The following CHRNA9 variants were observed in gnomAD, a reference collection of about 807,000 sequenced individuals.
CHRNA9 encodes neuronal acetylcholine receptor subunit alpha-9.
Under a neutral mutation model 36.8 loss-of-function variants are expected in CHRNA9, and 24 were observed. The observed-to-expected ratio is 0.65, with a 90% CI of 0.47 to 0.92. CHRNA9 has a LOEUF of 0.92. CHRNA9 is among the 40% of genes least tolerant of loss of function. The pLI is 0.00. For missense variants in CHRNA9, 610 were observed against 601.2 expected (o/e 1.01, Z -0.15); for synonymous variants, 231 against 231.8 (o/e 1.00, Z 0.03).
At chr4:40,339,136 G>T (rs149064175) in intron 3 of CHRNA9, among the ~76,000 whole-genome samples, 4,266 of 151,890 alleles carry the variant, frequency 0.028, 92 homozygotes, top group Middle Eastern at 0.041. Flanking sequence ...AAAATCAGCT[G>T]GGTGTGGTGG....
chr4:40,348,420 A>G (rs1480278013), intron 3 of CHRNA9, among the ~76,000 whole-genome samples: 1 of 152,190 alleles, frequency 6.6e-6, no homozygotes, highest in Non-Finnish European at 1.5e-5. Flanking sequence ...GAGTTTTCCA[A>G]ATGTTACAAA....
rs1712908509 is a variant in CHRNA9, at chr4:40,354,615, TAGGG to T, written c.*96_*99del. On this transcript the variant is annotated 3_prime_UTR_variant, in exon 5 of 5. Transcript: ENST00000310169. ...CCAAGATTTTTGTTCATCTATAATT[TAGGG>T]GTTATGTTGTCTGTGCTTTTTATTT... is the stretch of plus-strand genomic sequence containing the variant. 5 of 1,046,476 alleles carry T rather than the reference TAGGG, an allele frequency of 4.8e-6. No individual in the cohort carries two copies. Among genetic ancestry groups the T allele is most frequent in the South Asian group, 1.6e-5 (1 of 64,038 alleles). 64.8% of individuals were successfully genotyped at this position (1,046,476 alleles called of 1,614,324 possible). A position where few individuals can be genotyped will look rare whatever the true frequency, so the allele number is the denominator to read the frequency against.
Position 40,354,303 on chromosome 4 carries a change from G to T in CHRNA9, c.1223G>T (p.Gly408Val). Residue 408 changes from glycine (G) to valine (V), a missense_variant, in exon 5 of 5, where the codon GGT becomes GTT. By Grantham distance (109) the Gly-to-Val change is moderately radical (BLOSUM62 -3). Transcript: ENST00000310169. The part of the protein sequence containing the change: ...KRLKNDLGCQ[G>V]KNPQEAESYC... ...TTAAAGAACGACCTGGGCTGCCAGG[G>T]TAAGAACCCTCAGGAGGCCGAGAGT... is the stretch of plus-strand genomic sequence containing the variant. 1 of 1,614,168 alleles carries T rather than the reference G, an allele frequency of 6.2e-7. No individual in the cohort carries two copies. Among genetic ancestry groups the T allele is most frequent in the Non-Finnish European group, 8.5e-7 (1 of 1,180,012 alleles).
At chr4:40,338,247 T>C (rs1712383250) in intron 3 of CHRNA9, 1 of 151,994 alleles carries the variant, frequency 6.6e-6, no homozygotes. Context: ...AACGGGTAGG[T>C]AAAGTTTATG....
chr4:40,349,977 A>G (rs1315110805), intron 4 of CHRNA9: 2 of 155,042 alleles, frequency 1.3e-5, no homozygotes, highest in Admixed American at 1.3e-4. Flanking sequence ...ATCATCTGGA[A>G]AATTTGTGTG....
chr4:40,354,032 A>G lies in CHRNA9; in HGVS notation c.952A>G (p.Ile318Val), dbSNP rs768773179. ...GATCACAGCCTCCACTGCGTTGACCATCATGGTGATGAATATCCACTTCTG... is the reference window on the plus strand; with the variant it reads ...GATCACAGCCTCCACTGCGTTGACCGTCATGGTGATGAATATCCACTTCTG... ...ALITASTALT[I>V]MVMNIHFCGA... Residue 318 changes from isoleucine to valine, a missense_variant, in exon 5 of 5, where the codon ATC becomes GTC. By Grantham distance (29) the Ile-to-Val change is conservative. Transcript: ENST00000310169. The G allele has an allele frequency of 6.2e-7, 1 of 1,614,180 alleles. No homozygotes were observed. Among genetic ancestry groups the G allele is most frequent in the South Asian group, 1.1e-5 (1 of 91,074 alleles).
At chr4:40,353,917 C>A in intron 4 of CHRNA9, 62 bp from the exon 5 acceptor site, 1 of 1,400,818 alleles carries the variant, frequency 7.1e-7, no homozygotes, top group Non-Finnish European at 9.8e-7. Context: ...TGTTAAGTGA[C>A]TCGTGGCTGT....
intron 2 of CHRNA9, 60 bp from the exon 3 acceptor site, chr4:40,337,150 A>G (rs767746672): frequency 6.0e-6 from 9 of 1,502,194 alleles, no homozygotes; most frequent in Admixed American, 5.1e-5. Flanking sequence ...CAAGTGTCCT[A>G]TCAGTGGAAA....
rs1409931454 is a variant in CHRNA9 at position 40,354,027 on chromosome 4, T to C, written c.947T>C (p.Leu316Ser). The C allele has an allele frequency of 6.2e-7, 1 of 1,614,046 alleles. No homozygotes were observed. Among genetic ancestry groups the C allele is most frequent in the Non-Finnish European group, 8.5e-7 (1 of 1,179,914 alleles). Residue 316 changes from leucine (L) to serine (S), a missense_variant, in exon 5 of 5, where the codon TTG (leucine) becomes TCG (serine). Transcript: ENST00000310169. ...TMALITASTA[L>S]TIMVMNIHFC... ...GCCCTGATCACAGCCTCCACTGCGT[T>C]GACCATCATGGTGATGAATATCCAC...
At chr4:40,346,055 A>C (rs139106327) in intron 3 of CHRNA9, among the ~76,000 whole-genome samples, 7 of 151,016 alleles carry the variant, frequency 4.6e-5, no homozygotes, top group African/African-American at 1.7e-4. Context: ...CAACAACAAA[A>C]ACCCACAACC....
rs1455136391 is a variant in CHRNA9 at position 40,335,507 on chromosome 4, T to C, written c.40T>C (p.Tyr14His). The change falls in exon 1 of 5, where the codon TAC (tyrosine) becomes CAC (histidine). Residue 14 changes from tyrosine (Y) to histidine (H), a missense_variant. Tyr to His is a moderately conservative substitution (Grantham distance 83, BLOSUM62 2). Transcript: ENST00000310169. ...SHSCISFCWI[Y>H]FAASRLRAAE... is the part of the protein sequence containing the mutation. The stretch of plus-strand genomic sequence containing the variant: ...TTCCTGCATCTCCTTTTGCTGGATC[T>C]ACTTTGCTGCTTCCAGACTGAGAGG... 2 of 1,613,422 alleles carry C rather than the reference T, an allele frequency of 1.2e-6. No homozygotes were observed. Among genetic ancestry groups the C allele is most frequent in the Non-Finnish European group, 1.7e-6 (2 of 1,179,284 alleles).
intron 1 of CHRNA9, 114 bp from the exon 2 acceptor site, chr4:40,335,713 C>T: frequency 8.6e-7 from 1 of 1,156,092 alleles, no homozygotes; most frequent in Non-Finnish European, 1.3e-6. Flanking sequence ...CCACCCAAAG[C>T]TTGTCCCTCG....
intron 2 of CHRNA9, 150 bp from the exon 3 acceptor site, chr4:40,337,060 G>C: frequency 4.3e-6 from 3 of 692,730 alleles, no homozygotes; most frequent in Non-Finnish European, 2.4e-6. Context: ...CAATCAAGGG[G>C]ATAGAATAAA....
rs114229555 is a variant in CHRNA9, at chr4:40,337,827, G to A, written c.365+463G>A. The stretch of plus-strand genomic sequence containing the variant: ...TTGGTGTTCTTGGCATTATAGAAGC[G>A]TCACTCTGAGCTCTGCCTTCATCTT... On this transcript the variant is annotated intron_variant, in intron 3 of 4. Transcript: ENST00000310169. Among the ~76,000 whole-genome samples, 497 of 152,224 alleles carry A rather than the reference G, an allele frequency of 3.3e-3. 2 individuals carry two copies. The highest frequency in any genetic ancestry group is 0.011 in the African/African-American group (466 of 41,544).
chr4:40,341,528 C>A (rs1187094263), intron 3 of CHRNA9, among the ~76,000 whole-genome samples: 1 of 152,120 alleles, frequency 6.6e-6, no homozygotes, highest in Non-Finnish European at 1.5e-5. Flanking sequence ...TCTTCATTTG[C>A]ATAGGGTATA....
chr4:40,335,727 G>C, intron 1 of CHRNA9, 100 bp from the exon 2 acceptor site: 1 of 1,243,660 alleles, frequency 8.0e-7, no homozygotes, highest in South Asian at 1.3e-5. Flanking sequence ...TCCCTCGCCA[G>C]TGTTGGGCCA....
Position 40,354,695 on chromosome 4 carries a change from G to A in CHRNA9, c.*175G>A. The A allele has an allele frequency of 3.2e-6, 2 of 623,656 alleles. No homozygotes were observed. The highest frequency in any genetic ancestry group is 5.4e-6 in the Non-Finnish European group (2 of 367,090). 38.6% of individuals were successfully genotyped at this position (623,656 alleles called of 1,614,324 possible). ...ATCTGCTCTGTTAAATTAAGCAGAA[G>A]AACCAAAATTTCAAGGGTAGGAAGA... On this transcript the variant is annotated 3_prime_UTR_variant, in exon 5 of 5. Transcript: ENST00000310169.
At chr4:40,342,934 G>A (rs1007720927) in intron 3 of CHRNA9, among the ~76,000 whole-genome samples, 1 of 152,048 alleles carries the variant, frequency 6.6e-6, no homozygotes, top group African/African-American at 2.4e-5. Context: ...AAGAGAGAGG[G>A]GGGAACTTCT....
intron 4 of CHRNA9, 51 bp from the exon 5 acceptor site, chr4:40,353,928 A>G: frequency 2.7e-6 from 4 of 1,487,302 alleles, no homozygotes; most frequent in Non-Finnish European, 3.7e-6. Flanking sequence ...TCGTGGCTGT[A>G]TGAGGACCAT....
Sources: gnomAD v4.1 joint callset for allele counts (sites outside exome capture counted in the v4.1 genomes callset) on GRCh38, gnomAD v4.1.1 for gene constraint, MANE v1.5 for transcripts, NCBI Gene and HGNC (gene_info 2026-07-23, HGNC 2026-07-21) for gene names.